The following GNAQ variants were observed in gnomAD, a reference collection of about 807,000 sequenced individuals.
GNAQ encodes guanine nucleotide-binding protein G(q) subunit alpha.
A neutral mutation model predicts 43.9 loss-of-function variants in GNAQ; 8 were observed. The ratio of observed to expected loss-of-function variants is 0.18; its 90% CI spans 0.11 to 0.33. GNAQ has a LOEUF of 0.33. Ranked by LOEUF, GNAQ falls within the 10% of genes least tolerant of loss-of-function variation. The pLI is 1.00. For synonymous variants in GNAQ, 155 were observed against 170.7 expected (o/e 0.91, Z 0.71); for missense variants, 158 against 450.8 (o/e 0.35, Z 5.88).
intron 2 of GNAQ, among the ~76,000 whole-genome samples, chr9:77,889,807 T>G (rs1399914630): frequency 6.6e-6 from 1 of 152,232 alleles, no homozygotes; most frequent in African/African-American, 2.4e-5. Flanking sequence ...TCTTTATACC[T>G]GTTCTTTTGG....
chr9:78,003,406 T>C (rs1823666400), intron 1 of GNAQ, among the ~76,000 whole-genome samples: 1 of 152,208 alleles, frequency 6.6e-6, no homozygotes, highest in African/African-American at 2.4e-5. Context: ...TTCTTCTCTC[T>C]TGTACCTGTT....
intron 1 of GNAQ, among the ~76,000 whole-genome samples, chr9:77,983,016 A>G (rs1433622474): frequency 1.3e-5 from 2 of 152,250 alleles, no homozygotes; most frequent in Non-Finnish European, 2.9e-5. Context: ...ACCATAACAG[A>G]GAAAATACCT....
At chr9:78,011,227 C>CT (rs1823768924) in intron 1 of GNAQ, among the ~76,000 whole-genome samples, 1 of 152,170 alleles carries the variant, frequency 6.6e-6, no homozygotes, top group Non-Finnish European at 1.5e-5. Flanking sequence ...TCTACTCAGA[C>CT]AACTGAACAG....
At chr9:77,764,558 C>T (rs185099595) in intron 5 of GNAQ, among the ~76,000 whole-genome samples, 9 of 152,132 alleles carry the variant, frequency 5.9e-5, no homozygotes, top group African/African-American at 2.2e-4. Context: ...CGGGTTCACG[C>T]TATTCTCCTG....
chr9:77,969,856 A>G (rs1369960442), intron 1 of GNAQ, among the ~76,000 whole-genome samples: 4 of 152,246 alleles, frequency 2.6e-5, no homozygotes, highest in African/African-American at 9.6e-5. Flanking sequence ...CATTCCGTAG[A>G]CACAGAGACC....
chr9:77,844,527 G>A (rs1018539531), intron 2 of GNAQ, among the ~76,000 whole-genome samples: 4 of 152,214 alleles, frequency 2.6e-5, no homozygotes, highest in African/African-American at 9.6e-5. Flanking sequence ...AGTATAAGAT[G>A]GATCCCTAAG....
At chr9:77,775,932 T>TA (rs1826300508) in intron 5 of GNAQ, among the ~76,000 whole-genome samples, 1 of 150,566 alleles carries the variant, frequency 6.6e-6, no homozygotes, top group South Asian at 2.1e-4. Context: ...ATCAAACAAA[T>TA]AAAAAATAAA....
rs1564141835 is a variant in GNAQ, at chr9:77,888,848, CA to C, written c.321+33312del. ...AAAGTCCCTTGAGTGTCTGACGCAT[CA>C]AAGCACTAAAGCCATTTGCTCCCTC... On this transcript the variant is annotated intron_variant, in intron 2 of 6. Transcript: ENST00000286548. Among the ~76,000 whole-genome samples, 4 of 152,220 alleles carry C rather than the reference CA, an allele frequency of 2.6e-5. No homozygotes were observed. In the East Asian group the frequency reaches 7.7e-4, roughly 29 times the overall value.
intron 1 of GNAQ, among the ~76,000 whole-genome samples, chr9:77,977,420 TC>T (rs1300408237): frequency 6.6e-6 from 1 of 150,762 alleles, no homozygotes; most frequent in Non-Finnish European, 1.5e-5. Flanking sequence ...TATCCACACT[TC>T]CCAAGGTCAA....
chr9:77,965,253 T>C (rs1185943944), intron 1 of GNAQ, among the ~76,000 whole-genome samples: 1 of 151,952 alleles, frequency 6.6e-6, no homozygotes, highest in Non-Finnish European at 1.5e-5. Context: ...ACCCACAGAA[T>C]CCTCACGAAT....
intron 5 of GNAQ, among the ~76,000 whole-genome samples, chr9:77,773,691 T>C (rs1826263559): frequency 6.6e-6 from 1 of 152,244 alleles, no homozygotes; most frequent in Non-Finnish European, 1.5e-5. Context: ...TCACATTATA[T>C]TCATTGGCAA....
intron 2 of GNAQ, among the ~76,000 whole-genome samples, chr9:77,860,344 G>T (rs1043110938): frequency 6.6e-6 from 1 of 152,140 alleles, no homozygotes; most frequent in Non-Finnish European, 1.5e-5. Context: ...AGGTTGGTAT[G>T]ACTCTAAAGA....
chr9:77,838,654 G>A (rs1360705065), intron 2 of GNAQ, among the ~76,000 whole-genome samples: 1 of 152,022 alleles, frequency 6.6e-6, no homozygotes, highest in Non-Finnish European at 1.5e-5. Flanking sequence ...CTGACCTCAG[G>A]TGATCCACCC....
intron 2 of GNAQ, among the ~76,000 whole-genome samples, chr9:77,890,215 T>A (rs747965260): frequency 6.6e-6 from 1 of 152,206 alleles, no homozygotes; most frequent in Non-Finnish European, 1.5e-5. Flanking sequence ...TGGGTTGGCA[T>A]ACCATACTCC....
At position 77,978,825 on chromosome 9, in the gene GNAQ, G is replaced by A. The variant is rs1260527860; in HGVS notation, c.136+52275C>T. On this transcript the variant is annotated intron_variant, in intron 1 of 6. Transcript: ENST00000286548. ...CTATAATCCCAGCACTTTGGGAGGC[G>A]AGGCGAGTGGATCAATTGAGGTCAG... Among the ~76,000 whole-genome samples the A allele has an allele frequency of 3.3e-5, 5 of 152,170 alleles. No individual in the cohort carries two copies. In the South Asian group the frequency reaches 6.2e-4, roughly 19 times the overall value.
chr9:77,882,335 AATAAC>A lies in GNAQ; in HGVS notation c.321+39821_321+39825del, dbSNP rs1431628293. 1.3e-4 allele frequency among the ~76,000 whole-genome samples: 20 copies of A among 152,340 alleles called. No individual in the cohort carries two copies. The South Asian group carries it at 3.3e-3, about 25-fold the overall frequency. On this transcript the variant is annotated intron_variant, in intron 2 of 6. Coordinates refer to ENST00000286548, the MANE Select transcript of GNAQ (RefSeq NM_002072.5). ...ATTACTGTTCCAGATCTTGTATTTAAATAACCCAAATTGAACCCAGAAGCTTAAAA... is the reference window on the plus strand; with the variant it reads ...ATTACTGTTCCAGATCTTGTATTTAACCAAATTGAACCCAGAAGCTTAAAA...
intron 2 of GNAQ, among the ~76,000 whole-genome samples, chr9:77,839,296 T>C (rs1224220997): frequency 2.0e-5 from 3 of 152,216 alleles, no homozygotes; most frequent in Non-Finnish European, 2.9e-5. Context: ...CAAAAACTAC[T>C]TTATTTCAGA....
chr9:77,752,411 G>A (rs1825825807), intron 5 of GNAQ, among the ~76,000 whole-genome samples: 1 of 152,166 alleles, frequency 6.6e-6, no homozygotes, highest in East Asian at 1.9e-4. Flanking sequence ...AACTTGCACC[G>A]GGAGGTAGAG....
chr9:77,943,664 T>TG (rs1829346409), intron 1 of GNAQ, among the ~76,000 whole-genome samples: 1 of 146,188 alleles, frequency 6.8e-6, no homozygotes, highest in African/African-American at 2.6e-5. Flanking sequence ...AACTAACTTT[T>TG]TTTTTTTTTT....
Sources: allele counts gnomAD v4.1 joint callset (sites outside exome capture counted in the v4.1 genomes callset), GRCh38; gene constraint gnomAD v4.1.1; transcripts MANE v1.5; gene names NCBI Gene and HGNC (gene_info 2026-07-23, HGNC 2026-07-21).